LMBR1: variants seen among roughly 807,000 people sequenced by gnomAD.
LMBR1 encodes limb region 1 protein homolog.
In LMBR1, 52 loss-of-function variants were observed where a neutral mutation model predicts 73.9. The ratio of observed to expected loss-of-function variants is 0.70; its 90% confidence interval spans 0.56 to 0.89. The LOEUF is 0.89. LMBR1 is among the 40% of genes least tolerant of loss of function. The pLI is 0.00. For synonymous variants in LMBR1, 215 were observed against 209.4 expected, an observed-to-expected ratio of 1.03 and a Z score of -0.23; for missense variants, 539 against 579.8, an observed-to-expected ratio of 0.93 and a Z score of 0.72.
At position 156,708,814 on chromosome 7, in the gene LMBR1, C is replaced by G. The variant is rs1182016650; in HGVS notation, c.1225+15298G>C. On this transcript the variant is annotated intron_variant, in intron 15 of 16. Transcript: ENST00000353442. ...CAGCGGGGAAGCTTACGGCCTGGGACAAGGTCTGCGGCAGGGACTGCAGAA... is the reference window on the plus strand; with the variant it reads ...CAGCGGGGAAGCTTACGGCCTGGGAGAAGGTCTGCGGCAGGGACTGCAGAA... 2.0e-5 allele frequency among the ~76,000 whole-genome samples: 3 copies of G among 152,116 alleles called. No individual in the cohort carries two copies. The East Asian group carries it at 5.8e-4, about 29-fold the overall frequency.
intron 1 of LMBR1, among the ~76,000 whole-genome samples, chr7:156,889,741 T>C (rs1183526893): frequency 5.3e-5 from 8 of 152,188 alleles, no homozygotes; most frequent in Non-Finnish European, 7.3e-5. Context: ...GAATATCTAA[T>C]TAATTAAAAG....
chr7:156,846,420 C>T (rs910018690), intron 1 of LMBR1, among the ~76,000 whole-genome samples: 3 of 152,084 alleles, frequency 2.0e-5, no homozygotes, highest in African/African-American at 7.2e-5. Flanking sequence ...TAAATAAATA[C>T]ATAAATGTAA....
In LMBR1 at chr7:156,685,177, AT is replaced by A. The variant is rs1479150033; in HGVS notation, c.1388-1015del. 6.6e-6 allele frequency among the ~76,000 whole-genome samples: 1 copy of A among 152,244 alleles called. No homozygotes were observed. Among genetic ancestry groups the A allele is most frequent in the East Asian group, 1.9e-4 (1 of 5,206 alleles). On this transcript the variant is annotated intron_variant, in intron 16 of 16. Transcript: ENST00000353442. The surrounding 1 kb of genome is among the most constrained non-coding windows in gnomAD (Gnocchi z 4.1). ...AACTATCACTATCTTTTAAAGTTAC[AT>A]TTATTTCTCTCTGTATCATAAAACA...
intron 4 of LMBR1, among the ~76,000 whole-genome samples, chr7:156,814,948 A>G (rs970529957): frequency 1.3e-5 from 2 of 150,232 alleles, no homozygotes; most frequent in African/African-American, 4.8e-5. Context: ...CCTGAGGTTG[A>G]GAGCTCGAGA....
intron 5 of LMBR1, among the ~76,000 whole-genome samples, chr7:156,795,589 T>C (rs1008468725): frequency 6.6e-6 from 1 of 152,324 alleles, no homozygotes; most frequent in East Asian, 1.9e-4. Flanking sequence ...TGTTTGTTTC[T>C]GAGACAGGCT....
At chr7:156,876,233 T>C (rs1484441258) in intron 1 of LMBR1, among the ~76,000 whole-genome samples, 1 of 152,178 alleles carries the variant, frequency 6.6e-6, no homozygotes, top group Non-Finnish European at 1.5e-5. Context: ...AGGGACATTA[T>C]ATAATGATAA....
At chr7:156,822,528 A>G (rs1834952048) in intron 4 of LMBR1, 1 of 152,238 alleles carries the variant, frequency 6.6e-6, no homozygotes, top group East Asian at 1.9e-4. Flanking sequence ...CAGTACAGAA[A>G]AGAATATTCA....
Position 156,749,922 on chromosome 7 carries a change from C to A in LMBR1, c.757+6471G>T, listed in dbSNP as rs183890965. Among the ~76,000 whole-genome samples the A allele has an allele frequency of 1.0e-3, 155 of 152,256 alleles. 2 individuals are homozygous for A. The highest frequency in any genetic ancestry group is 3.5e-3 in the African/African-American group (145 of 41,560). On this transcript the variant is annotated intron_variant, in intron 9 of 16. Transcript: ENST00000353442. ...CAGGTGGGTCTTGAACTCCCAACCT[C>A]AGGTGATCTGCCTGCCTCGGCCTCC...
In LMBR1 at chr7:156,789,555, A is replaced by C. The variant is rs183915168; in HGVS notation, c.423+6834T>G. Among the ~76,000 whole-genome samples, 37 of 152,334 alleles carry C rather than the reference A, an allele frequency of 2.4e-4. No individual in the cohort carries two copies. The highest frequency in any genetic ancestry group is 4.3e-4 in the Non-Finnish European group (29 of 68,028). ...ACTGTAAATTAATGTACCAAGGTTCAGTTATATATTGACAAACGTTTCATA... is the reference window on the plus strand; with the variant it reads ...ACTGTAAATTAATGTACCAAGGTTCCGTTATATATTGACAAACGTTTCATA... On this transcript the variant is annotated intron_variant, in intron 5 of 16. Transcript: ENST00000353442.
chr7:156,718,908 A>C lies in LMBR1; in HGVS notation c.1225+5204T>G, dbSNP rs1038578053. 5.9e-5 allele frequency among the ~76,000 whole-genome samples: 9 copies of C among 152,224 alleles called. No individual in the cohort carries two copies. The East Asian group carries it at 1.5e-3, about 26-fold the overall frequency. The stretch of plus-strand genomic sequence containing the variant: ...ATCAATTTAATTGGATTAAAAACTG[A>C]AAGGTAAGACCTGAAACTGTAAAAC... On this transcript the variant is annotated intron_variant, in intron 15 of 16. Transcript: ENST00000353442.
chr7:156,798,843 C>T (rs1257301882), intron 4 of LMBR1, among the ~76,000 whole-genome samples: 1 of 151,998 alleles, frequency 6.6e-6, no homozygotes, highest in African/African-American at 2.4e-5. Flanking sequence ...TCATTTTACA[C>T]AAGATAGTTT....
intron 4 of LMBR1, among the ~76,000 whole-genome samples, chr7:156,825,264 A>T (rs1835478294): frequency 6.6e-6 from 1 of 152,250 alleles, no homozygotes; most frequent in Non-Finnish European, 1.5e-5. Flanking sequence ...ATACATAACA[A>T]ATTAAAATAA....
chr7:156,674,660 C>G (rs77959650), downstream of LMBR1, among the ~76,000 whole-genome samples: 1 of 151,964 alleles, frequency 6.6e-6, no homozygotes, highest in Non-Finnish European at 1.5e-5. Flanking sequence ...GGTGACAGAG[C>G]GAGATGCTGT....
At chr7:156,780,945 C>A (rs1276335544) in intron 5 of LMBR1, among the ~76,000 whole-genome samples, 2 of 152,140 alleles carry the variant, frequency 1.3e-5, no homozygotes, top group Admixed American at 6.5e-5. Context: ...CAAGACAAAC[C>A]TATGATTTTA....
intron 1 of LMBR1, among the ~76,000 whole-genome samples, chr7:156,842,249 A>G (rs1838840899): frequency 6.7e-6 from 1 of 149,998 alleles, no homozygotes. Flanking sequence ...TAGGTGCCCC[A>G]ACCCAGTCAG....
chr7:156,828,198 G>C (rs1222207573), intron 3 of LMBR1, among the ~76,000 whole-genome samples: 2 of 151,984 alleles, frequency 1.3e-5, no homozygotes, highest in Non-Finnish European at 2.9e-5. Flanking sequence ...GACCCATTTC[G>C]ACATACACTT....
chr7:156,772,733 A>AACT (rs1825426243), intron 5 of LMBR1, among the ~76,000 whole-genome samples: 1 of 152,114 alleles, frequency 6.6e-6, no homozygotes, highest in Non-Finnish European at 1.5e-5. Context: ...CTGTAGTCCC[A>AACT]ACTACTAGGG....
chr7:156,724,204 T>G (rs371092600), intron 14 of LMBR1, 26 bp from the exon 15 acceptor site: 7 of 1,574,836 alleles, frequency 4.4e-6, no homozygotes, highest in Non-Finnish European at 6.1e-6. Flanking sequence ...AGAAAGAATA[T>G]TGGGCAGTTA....
chr7:156,675,518 T>C (rs1303756555), downstream of LMBR1, among the ~76,000 whole-genome samples: 1 of 152,192 alleles, frequency 6.6e-6, no homozygotes, highest in African/African-American at 2.4e-5. Context: ...TGGTCATCTG[T>C]CCAGATTATC....
Sources: allele counts gnomAD v4.1 joint callset (sites outside exome capture counted in the v4.1 genomes callset), GRCh38; gene constraint gnomAD v4.1.1; non-coding constraint Gnocchi (gnomAD v3.1); transcripts MANE v1.5; gene names NCBI Gene and HGNC (gene_info 2026-07-23, HGNC 2026-07-21).